Variants in SMURF2 observed in about 807,000 individuals in gnomAD.
SMURF2 encodes E3 ubiquitin-protein ligase SMURF2.
SMURF2 carries 48 observed loss-of-function variants against 109.6 expected under a neutral mutation model. The observed-to-expected ratio is 0.44, with a 90% CI of 0.35 to 0.56. SMURF2 has a LOEUF of 0.56. Ranked by LOEUF, SMURF2 falls within the 20% of genes least tolerant of loss-of-function variation. The probability of loss-of-function intolerance (pLI) is 0.01; values close to 1 mark genes in which losing one functional copy is unlikely to be tolerated. For missense variants in SMURF2, 575 were observed against 909.0 expected (o/e 0.63, Z 4.72); for synonymous variants, 288 against 317.1 (o/e 0.91, Z 0.97).
chr17:64,577,174 A>G (rs142246506), intron 9 of SMURF2, among the ~76,000 whole-genome samples: 2 of 152,222 alleles, frequency 1.3e-5, no homozygotes, highest in Non-Finnish European at 2.9e-5. Flanking sequence ...ATGTCCATCA[A>G]TGATAGACTG....
At position 64,553,348 on chromosome 17, in the gene SMURF2, T is replaced by TA. The variant is rs1326943515; in HGVS notation, c.1748+1507dup. 1.1e-4 allele frequency among the ~76,000 whole-genome samples: 17 copies of TA among 151,520 alleles called. No individual in the cohort carries two copies. The East Asian group carries it at 1.4e-3, about 12-fold the overall frequency. On this transcript the variant is annotated intron_variant, in intron 15 of 18. Transcript: ENST00000262435. ...GGTGAAACCCCATCTCTGCTAATAA[T>TA]AAAAAAAAGTTGCCAGGTGTGGTTG...
intron 10 of SMURF2, among the ~76,000 whole-genome samples, chr17:64,567,293 C>T (rs1040042692): frequency 6.6e-6 from 1 of 152,132 alleles, no homozygotes; most frequent in African/African-American, 2.4e-5. Context: ...AATGCAAATG[C>T]TGGCCATATT....
chr17:64,573,894 G>T (rs375284936), intron 9 of SMURF2, among the ~76,000 whole-genome samples: 30 of 152,234 alleles, frequency 2.0e-4, no homozygotes, highest in Middle Eastern at 3.4e-3. Context: ...ACCAAATATT[G>T]CATGTTCTCA....
intron 2 of SMURF2, among the ~76,000 whole-genome samples, chr17:64,604,314 C>G (rs1568191801): frequency 6.6e-6 from 1 of 152,232 alleles, no homozygotes; most frequent in East Asian, 1.9e-4. Flanking sequence ...AATCTTATCC[C>G]TAAAGCAAGT....
intron 2 of SMURF2, among the ~76,000 whole-genome samples, chr17:64,600,926 T>C (rs1274051741): frequency 6.6e-6 from 1 of 152,166 alleles, no homozygotes; most frequent in Middle Eastern, 3.2e-3. Flanking sequence ...CTCTGGTTTC[T>C]TGCTTTTTTA....
At chr17:64,647,454 G>T (rs1970573929) in intron 1 of SMURF2, among the ~76,000 whole-genome samples, 1 of 152,112 alleles carries the variant, frequency 6.6e-6, no homozygotes, top group Non-Finnish European at 1.5e-5. Flanking sequence ...GCTGAAGCGG[G>T]CGGACCTGAG....
chr17:64,648,450 C>T (rs1970590718), intron 1 of SMURF2, among the ~76,000 whole-genome samples: 1 of 152,094 alleles, frequency 6.6e-6, no homozygotes, highest in Non-Finnish European at 1.5e-5. Context: ...CAACTGAGGT[C>T]CCTGAGATCA....
intron 1 of SMURF2, among the ~76,000 whole-genome samples, chr17:64,606,971 A>G (rs1387232989): frequency 2.0e-5 from 3 of 152,194 alleles, no homozygotes; most frequent in Admixed American, 2.0e-4. Flanking sequence ...GGAGATATGT[A>G]AAGTCAGGTT....
chr17:64,631,956 T>G (rs1555691649), intron 1 of SMURF2, among the ~76,000 whole-genome samples: 1 of 68,984 alleles, frequency 1.4e-5, no homozygotes, highest in Admixed American at 1.1e-4. Context: ...GACTCTCTTT[T>G]TTTGCGGGGG....
chr17:64,545,655 C>CT lies in SMURF2; in HGVS notation c.*192dup, dbSNP rs1308457090. The CT allele has an allele frequency of 3.1e-5, 13 of 418,702 alleles. No individual in the cohort carries two copies. The highest frequency in any genetic ancestry group is 8.8e-5 in the South Asian group (2 of 22,774). 25.9% of individuals were successfully genotyped at this position (418,702 alleles called of 1,614,324 possible). On this transcript the variant is annotated 3_prime_UTR_variant, in exon 19 of 19. Transcript: ENST00000262435. ...TGGCCTCATGGCAAAGCATAAAGACCTTTTTTTTCCTTGAAAAGGAATTTC... is the reference window on the plus strand; with the variant it reads ...TGGCCTCATGGCAAAGCATAAAGACCTTTTTTTTTCCTTGAAAAGGAATTTC...
intron 6 of SMURF2, among the ~76,000 whole-genome samples, chr17:64,585,249 G>C (rs1204102162): frequency 6.6e-6 from 1 of 152,164 alleles, no homozygotes; most frequent in Non-Finnish European, 1.5e-5. Flanking sequence ...CATGACTTTA[G>C]AATCAAGACA....
At chr17:64,582,902 A>G (rs1258156648) in intron 7 of SMURF2, among the ~76,000 whole-genome samples, 1 of 142,088 alleles carries the variant, frequency 7.0e-6, no homozygotes, top group Non-Finnish European at 1.5e-5. Context: ...CTTGGCCAAT[A>G]TTTTTTTTTT....
At chr17:64,650,347 G>GTTTTTTGTT (rs538168490) in intron 1 of SMURF2, among the ~76,000 whole-genome samples, 1 of 137,638 alleles carries the variant, frequency 7.3e-6, no homozygotes, top group African/African-American at 2.7e-5. Flanking sequence ...TTTGTTTTTT[G>GTTTTTTGTT]TTTTTTTTTT....
chr17:64,643,233 G>C (rs1387554807), intron 1 of SMURF2, among the ~76,000 whole-genome samples: 4 of 151,916 alleles, frequency 2.6e-5, no homozygotes, highest in Admixed American at 6.6e-5. Flanking sequence ...ATGTTGTCCA[G>C]GCTGGTCTCG....
At chr17:64,602,057 C>G (rs1185075950) in intron 2 of SMURF2, among the ~76,000 whole-genome samples, 1 of 151,786 alleles carries the variant, frequency 6.6e-6, no homozygotes, top group African/African-American at 2.4e-5. Flanking sequence ...GACTATTATT[C>G]TAAGTGAAGT....
chr17:64,631,411 A>T (rs190226162), intron 1 of SMURF2, among the ~76,000 whole-genome samples: 19 of 152,032 alleles, frequency 1.2e-4, no homozygotes, highest in Non-Finnish European at 2.8e-4. Context: ...ACCTAAAATG[A>T]AGAAATGCAG....
At position 64,648,085 on chromosome 17, in the gene SMURF2, A is replaced by C. The variant is rs199962200; in HGVS notation, c.52+13744T>G. Among the ~76,000 whole-genome samples the C allele has an allele frequency of 2.5e-3, 353 of 138,946 alleles. 6 individuals carry two copies. Among genetic ancestry groups the C allele is most frequent in the African/African-American group, 7.1e-3 (272 of 38,160 alleles). 91.2% of individuals were successfully genotyped at this position (138,946 alleles called of 152,430 possible). ...AAAAAAAAAAAAAAAAAAAAAAAAA[A>C]AAAAAAACAGGATCTCAATAGTAAT... On this transcript the variant is annotated intron_variant, in intron 1 of 18. Coordinates refer to ENST00000262435, the MANE Select transcript of SMURF2 (RefSeq NM_022739.4).
intron 1 of SMURF2, among the ~76,000 whole-genome samples, chr17:64,624,469 G>A (rs1436039368): frequency 7.2e-6 from 1 of 138,890 alleles, no homozygotes; most frequent in Non-Finnish European, 1.5e-5. Context: ...AAGTAGCTGG[G>A]ATTACAGGCG....
intron 1 of SMURF2, among the ~76,000 whole-genome samples, chr17:64,625,687 A>T (rs1271164373): frequency 1.3e-5 from 2 of 152,134 alleles, no homozygotes; most frequent in African/African-American, 4.8e-5. Context: ...GTTAAAATAC[A>T]CCGCTGAGTC....
Sources: allele counts gnomAD v4.1 joint callset (sites outside exome capture counted in the v4.1 genomes callset), GRCh38; gene constraint gnomAD v4.1.1; transcripts MANE v1.5; gene names NCBI Gene and HGNC (gene_info 2026-07-23, HGNC 2026-07-21).